Variants in PDZD7 observed in about 807,000 individuals in gnomAD.
PDZD7 encodes PDZ domain-containing protein 7.
Under a neutral mutation model 84.7 loss-of-function variants are expected in PDZD7, and 72 were observed. That is an observed-to-expected ratio of 0.85 (90% CI 0.70 to 1.03). The LOEUF is 1.03. Ranked by LOEUF, PDZD7 falls within the 50% of genes least tolerant of loss-of-function variation. The probability of loss-of-function intolerance (pLI) is 0.00; values close to 1 mark genes in which losing one functional copy is unlikely to be tolerated. For missense variants in PDZD7, 1,490 were observed against 1,412.9 expected (o/e 1.05, Z -0.87); for synonymous variants, 594 against 580.7 (o/e 1.02, Z -0.33).
chr10:101,008,968 T>C lies in PDZD7; in HGVS notation c.2719-118A>G. Reference sequence around the variant, plus strand: ...TGAGGACACTCCTCCCCCATCTGGGTGGAGGGGATGGACAATGAGACTTTT... The same window carrying C: ...TGAGGACACTCCTCCCCCATCTGGGCGGAGGGGATGGACAATGAGACTTTT... On this transcript the variant is annotated intron_variant, in intron 16 of 16. Transcript: ENST00000619208. The C allele has an allele frequency of 2.4e-6, 3 of 1,249,516 alleles. No homozygotes were observed. In the South Asian group the frequency reaches 4.9e-5, roughly 20 times the overall value. 77.4% of individuals were successfully genotyped at this position (1,249,516 alleles called of 1,614,324 possible).
At chr10:101,016,794 G>A (rs571302860) in intron 9 of PDZD7, among the ~76,000 whole-genome samples, 47 of 152,262 alleles carry the variant, frequency 3.1e-4, no homozygotes, top group Admixed American at 6.5e-4. Flanking sequence ...TGGCCAGAGA[G>A]GTGGGAGGAG....
rs759844154 is a variant in PDZD7 at position 101,010,492 on chromosome 10, C to A, written c.2397G>T (p.Pro799=). ...GKSPGRRSPS[P]VPTPAPSMTN... is the part of the protein sequence containing the mutation. ...TCATGCTGGGGGCAGGGGTAGGCAC[C>A]GGGGATGGGGAGCGTCTACCTGGAG... The change falls in exon 15 of 17, where the codon CCG becomes CCT. Residue 799 remains proline, a synonymous_variant. Coordinates refer to ENST00000619208, the MANE Select transcript of PDZD7 (RefSeq NM_001195263.2). 25 of 1,534,424 alleles carry A rather than the reference C, an allele frequency of 1.6e-5. No homozygotes were observed. The South Asian group carries it at 2.9e-4, about 18-fold the overall frequency.
chr10:101,029,964 CCCAGGCCAGTGGCTGGGT>C lies in PDZD7; in HGVS notation c.226+12_226+29del. ...TGTCCCCTACCCCCACCCTCCCCAA[CCCAGGCCAGTGGCTGGGT>C]CCCGCCCCTACCTTCGATGGGGGAG... is the stretch of plus-strand genomic sequence containing the variant. On this transcript the variant is annotated intron_variant, in intron 2 of 16. Transcript: ENST00000619208. 1.8e-5 allele frequency: 14 copies of C among 759,722 alleles called. No individual in the cohort carries two copies. Among genetic ancestry groups the C allele is most frequent in the Non-Finnish European group, 2.4e-5 (11 of 450,228 alleles). 47.1% of individuals were successfully genotyped at this position (759,722 alleles called of 1,614,324 possible).
At chr10:101,023,751 G>T in intron 3 of PDZD7, 141 bp from the exon 4 acceptor site, 1 of 1,417,122 alleles carries the variant, frequency 7.1e-7, no homozygotes, top group Non-Finnish European at 9.8e-7. Flanking sequence ...TGTTCCCAGT[G>T]CCTAGGGATC....
rs1463864843 is a variant in PDZD7, at chr10:101,017,852, AAAG to A, written c.1522+244_1522+246del. ...GAAGGAAGGAAGGAAAGAAAGAAAGAAAGAAAGAAAGAAAGAAAGAAAGAAAGA... is the reference window on the plus strand; with the variant it reads ...GAAGGAAGGAAGGAAAGAAAGAAAGAAAAGAAAGAAAGAAAGAAAGAAAGA... On this transcript the variant is annotated intron_variant, in intron 9 of 16. Transcript: ENST00000619208. 3.8e-4 allele frequency: 132 copies of A among 349,784 alleles called. 3 individuals carry two copies. The highest frequency in any genetic ancestry group is 1.3e-3 in the African/African-American group (33 of 24,646). 21.7% of individuals were successfully genotyped at this position (349,784 alleles called of 1,614,324 possible). A position where few individuals can be genotyped will look rare whatever the true frequency, so the allele number is the denominator to read the frequency against.
intron 2 of PDZD7, among the ~76,000 whole-genome samples, chr10:101,025,915 C>A (rs1010584725): frequency 6.6e-6 from 1 of 152,122 alleles, no homozygotes; most frequent in East Asian, 1.9e-4. Flanking sequence ...TGGGACCCAG[C>A]AAATCTCTGT....
chr10:101,022,224 C>G lies in PDZD7; in HGVS notation c.704G>C (p.Gly235Ala), dbSNP rs906585992. Reference protein sequence around the residue: ...NIRGGKEFGLGIYVSKVDHGG... With the variant: ...NIRGGKEFGLAIYVSKVDHGG... ...CAGCCCTCACTTGGACACATAGATG[C>G]CCAGGCCAAACTCCTTGCCCCCACG... is the stretch of plus-strand genomic sequence containing the variant. The change falls in exon 5 of 17, where the codon GGC becomes GCC. Residue 235 changes from glycine to alanine, a missense_variant. Coordinates refer to ENST00000619208, the MANE Select transcript of PDZD7 (RefSeq NM_001195263.2). The G allele has an allele frequency of 3.7e-6, 6 of 1,614,104 alleles. No homozygotes were observed. Among genetic ancestry groups the G allele is most frequent in the Admixed American group, 3.3e-5 (2 of 60,002 alleles).
At position 101,009,296 on chromosome 10, in the gene PDZD7, T is replaced by C; in HGVS notation, c.2672A>G (p.Glu891Gly). Residue 891 changes from glutamate (E) to glycine (G), a missense_variant, in exon 16 of 17, where the codon GAG (glutamate) becomes GGG (glycine). Coordinates refer to ENST00000619208, the MANE Select transcript of PDZD7 (RefSeq NM_001195263.2). ...AGCGGCCCCCCCAGGGAAGATCTTC[T>C]CTATCTTCACCATGGGCTGCACCTT... ...ESKVQPMVKI[E>G]KIFPGGAAFL... The C allele has an allele frequency of 6.5e-7, 1 of 1,536,022 alleles. No homozygotes were observed.
Position 101,030,154 on chromosome 10 carries a change from CAG to C in PDZD7, c.64_65del (p.Leu22GlufsTer57). 6.2e-7 allele frequency: 1 copy of C among 1,614,072 alleles called. No homozygotes were observed. Reference protein sequence around the residue: ...LGLGDLSSGSLSSLSSRGHLG... With the variant: ...LGLGDLSSGSXSSLSSRGHLG... The stretch of plus-strand genomic sequence containing the variant: ...GGTGGCCTCGGGAGGAGAGGGAGCT[CAG>C]AGAGCCGGAGCTCAGGTCTCCTAGG... On this transcript the variant is annotated frameshift_variant, in exon 2 of 17. Coordinates refer to ENST00000619208, the MANE Select transcript of PDZD7 (RefSeq NM_001195263.2). LOFTEE classifies it high-confidence loss of function.
At chr10:101,014,694 A>ACACACACG (rs1181858969) in intron 11 of PDZD7, among the ~76,000 whole-genome samples, 2 of 151,114 alleles carry the variant, frequency 1.3e-5, no homozygotes, top group African/African-American at 2.4e-5. Flanking sequence ...ACACACACAC[A>ACACACACG]CGCTAGCCAG....
rs1337453283 is a variant in PDZD7, at chr10:101,030,228, G to A, written c.-9C>T. On this transcript the variant is annotated 5_prime_UTR_variant, in exon 2 of 17. Coordinates refer to ENST00000619208, the MANE Select transcript of PDZD7 (RefSeq NM_001195263.2). ...GCGAAACCCTGCGCCATGGCGGCTG[G>A]GCTAGGGCGGCACCCTACAGGTCCA... 2 of 1,590,136 alleles carry A rather than the reference G, an allele frequency of 1.3e-6. No individual in the cohort carries two copies. Among genetic ancestry groups the A allele is most frequent in the Non-Finnish European group, 1.7e-6 (2 of 1,170,780 alleles).
In PDZD7 at chr10:101,023,944, C is replaced by T; in HGVS notation, c.351G>A (p.Glu117=). ...HGLGIFVSKV[E]EGSSAERAGL... is the part of the protein sequence containing the mutation. ...TCTGCTTACCTGCACTGCTGCCTTC[C>T]TCCACTTTGCTGACGAAGATGCCCA... The change falls in exon 3 of 17, where the codon GAG becomes GAA. Residue 117 remains glutamate (E), a synonymous_variant. Transcript: ENST00000619208. 6.2e-7 allele frequency: 1 copy of T among 1,614,260 alleles called. No homozygotes were observed. The highest frequency in any genetic ancestry group is 2.2e-5 in the East Asian group (1 of 44,882).
chr10:101,025,193 G>A (rs368087511), intron 2 of PDZD7, among the ~76,000 whole-genome samples: 1 of 152,192 alleles, frequency 6.6e-6, no homozygotes, highest in African/African-American at 2.4e-5. Flanking sequence ...TCTGCTGTTG[G>A]AAATAGAATG....
Position 101,018,892 on chromosome 10 carries a change from C to T in PDZD7, c.1254G>A (p.Thr418=), listed in dbSNP as rs777259927. 1.2e-6 allele frequency: 2 copies of T among 1,604,870 alleles called. No individual in the cohort carries two copies. Among genetic ancestry groups the T allele is most frequent in the Non-Finnish European group, 1.7e-6 (2 of 1,176,332 alleles). ...LDSALSESPK[T]ALLLALSRPR... ...GTCGGCTGAGGGCCAGCAGCAAAGC[C>T]GTCTTGGGAGACTCAGAGAGCGCAG... The change falls in exon 8 of 17, where the codon ACG becomes ACA. Residue 418 remains threonine (T), a synonymous_variant. Coordinates refer to ENST00000619208, the MANE Select transcript of PDZD7 (RefSeq NM_001195263.2).
Position 101,030,052 on chromosome 10 carries a change from G to A in PDZD7, c.168C>T (p.Arg56=). Reference sequence around the variant, plus strand: ...CCATGGGCGATGAGGCTCGGATTCCGCGGGGGGGCCCGTTCAGCAGCCGTT... The same window carrying A: ...CCATGGGCGATGAGGCTCGGATTCCACGGGGGGGCCCGTTCAGCAGCCGTT... The part of the protein sequence containing the change: ...KQQRLLNGPP[R]GIRASSPMGR... The change falls in exon 2 of 17, where the codon CGC becomes CGT. Residue 56 remains arginine (R), a synonymous_variant. Coordinates refer to ENST00000619208, the MANE Select transcript of PDZD7 (RefSeq NM_001195263.2). 1 of 1,610,352 alleles carries A rather than the reference G, an allele frequency of 6.2e-7. No individual in the cohort carries two copies. The highest frequency in any genetic ancestry group is 8.5e-7 in the Non-Finnish European group (1 of 1,177,900).
In PDZD7 at chr10:101,015,744, C is replaced by G. The variant is rs1374943001; in HGVS notation, c.1641G>C (p.Val547=). The change falls in exon 11 of 17, where the codon GTG becomes GTC. Residue 547 remains valine (V), a synonymous_variant. Transcript: ENST00000619208. The stretch of plus-strand genomic sequence containing the variant: ...TCTCCCAGGCCTGAACCTGCTCATC[C>G]ACATTAGGCAGCTGGCTGGAGGGAC... ...SGSPSSQLPN[V]DEQVQAWESR... is the part of the protein sequence containing the mutation. 6.5e-7 allele frequency: 1 copy of G among 1,550,154 alleles called. No individual in the cohort carries two copies. Among genetic ancestry groups the G allele is most frequent in the Admixed American group, 2.0e-5 (1 of 51,002 alleles).
In PDZD7 at chr10:101,012,197, G is replaced by A. The variant is rs537508786; in HGVS notation, c.1811C>T (p.Pro604Leu). The A allele has an allele frequency of 1.2e-5, 18 of 1,550,314 alleles. No individual in the cohort carries two copies. The highest frequency in any genetic ancestry group is 4.1e-5 in the African/African-American group (3 of 73,036). Residue 604 changes from proline (P) to leucine (L), a missense_variant, in exon 12 of 17, where the codon CCG becomes CTG. By Grantham distance (98) the Pro-to-Leu change is moderately conservative. Coordinates refer to ENST00000619208, the MANE Select transcript of PDZD7 (RefSeq NM_001195263.2). ...VRPLLAILDR[P>L]EKLLLLQDIR... The stretch of plus-strand genomic sequence containing the variant: ...GTCCTGCAGCAGTAGCAGCTTCTCC[G>A]GCCTGTCGAGGATGGCCAGCAGGGG...
At position 101,008,846 on chromosome 10, in the gene PDZD7, C is replaced by G; in HGVS notation, c.2723G>C (p.Gly908Ala). 1 of 1,494,822 alleles carries G rather than the reference C, an allele frequency of 6.7e-7. No homozygotes were observed. The highest frequency in any genetic ancestry group is 2.1e-5 in the Admixed American group (1 of 48,594). 92.6% of individuals were successfully genotyped at this position (1,494,822 alleles called of 1,614,324 possible). A position where few individuals can be genotyped will look rare whatever the true frequency, so the allele number is the denominator to read the frequency against. Residue 908 changes from glycine to alanine, a missense_variant, in exon 17 of 17, where the codon GGC (glycine) becomes GCC (alanine). Physicochemically the swap from Gly to Ala is moderately conservative, Grantham distance 60 (BLOSUM62 0). Transcript: ENST00000619208. ...TCCGTCCACTGCCACAAGCTCGAAG[C>G]CAGCCTAGGGTGGGGTGAGAGAGTC... ...AAFLSGALQA[G>A]FELVAVDGEN...
At chr10:101,025,471 G>A (rs978630916) in intron 2 of PDZD7, among the ~76,000 whole-genome samples, 1 of 152,022 alleles carries the variant, frequency 6.6e-6, no homozygotes, top group African/African-American at 2.4e-5. Context: ...GCCTCCCAAA[G>A]CATTGGGATT....
Sources: allele counts gnomAD v4.1 joint callset (sites outside exome capture counted in the v4.1 genomes callset), GRCh38; gene constraint gnomAD v4.1.1; transcripts MANE v1.5; gene names NCBI Gene and HGNC (gene_info 2026-07-23, HGNC 2026-07-21).